Variants in MPDZ observed in about 807,000 individuals in gnomAD.
MPDZ encodes the protein multiple PDZ domain protein.
In MPDZ, 234 loss-of-function variants were observed where a neutral mutation model predicts 239.1. The observed-to-expected ratio is 0.98, with a 90% CI of 0.88 to 1.09. The LOEUF (loss-of-function observed/expected upper bound fraction) is 1.09. Among genes scored for constraint, MPDZ ranks in the 50% least tolerant of loss-of-function variants. The pLI, the probability that MPDZ is intolerant of heterozygous loss-of-function variation, is 0.00. For synonymous variants in MPDZ, 1,048 were observed against 881.3 expected (o/e 1.19, Z -3.35); for missense variants, 3,175 against 2,510.0 (o/e 1.26, Z -5.66).
intron 15 of MPDZ, among the ~76,000 whole-genome samples, 162 bp from the exon 16 acceptor site, chr9:13,190,461 A>C (rs1464694125): frequency 6.6e-6 from 1 of 152,198 alleles, no homozygotes; most frequent in Non-Finnish European, 1.5e-5. Context: ...TAAGGTAGTA[A>C]TTACTGAAAG....
chr9:13,126,452 C>A, intron 34 of MPDZ, 64 bp downstream of exon 34: 1 of 1,139,822 alleles, frequency 8.8e-7, no homozygotes, highest in Non-Finnish European at 1.3e-6. Context: ...ATCGCAGACA[C>A]AAACACTTTA....
chr9:13,256,922 A>G (rs1280938889), intron 1 of MPDZ, among the ~76,000 whole-genome samples: 1 of 152,178 alleles, frequency 6.6e-6, no homozygotes, highest in Non-Finnish European at 1.5e-5. Context: ...AAAGCACAAT[A>G]AGACAAAATT....
chr9:13,163,401 C>T (rs902121348), intron 22 of MPDZ, among the ~76,000 whole-genome samples: 3 of 152,104 alleles, frequency 2.0e-5, no homozygotes, highest in Admixed American at 6.6e-5. Flanking sequence ...TTAAAAAATT[C>T]ACTTTGGTCT....
intron 12 of MPDZ, among the ~76,000 whole-genome samples, chr9:13,200,777 C>T (rs1046610798): frequency 6.6e-6 from 1 of 151,822 alleles, no homozygotes; most frequent in Admixed American, 6.6e-5. Context: ...AGAAAAGATA[C>T]TTGATATGAT....
chr9:13,110,441 T>G (rs893650064), intron 44 of MPDZ, among the ~76,000 whole-genome samples, 195 bp downstream of exon 44: 2 of 152,182 alleles, frequency 1.3e-5, no homozygotes, highest in Non-Finnish European at 2.9e-5. Flanking sequence ...AAACAATCAA[T>G]GCATCAGAGT....
intron 24 of MPDZ, among the ~76,000 whole-genome samples, chr9:13,156,032 T>C (rs1949773145): frequency 6.6e-6 from 1 of 152,192 alleles, no homozygotes; most frequent in South Asian, 2.1e-4. Flanking sequence ...TAAGAAAATT[T>C]CATGATTTCT....
At chr9:13,249,051 G>A (rs993145459) in intron 2 of MPDZ, among the ~76,000 whole-genome samples, 3 of 134,280 alleles carry the variant, frequency 2.2e-5, no homozygotes, top group African/African-American at 8.1e-5. Flanking sequence ...CACCAAATCT[G>A]AAATTGCACA....
intron 3 of MPDZ, among the ~76,000 whole-genome samples, chr9:13,237,335 G>A (rs1291988350): frequency 6.6e-6 from 1 of 150,886 alleles, no homozygotes; most frequent in African/African-American, 2.4e-5. Context: ...CTACTCAGAG[G>A]CTGAGGTTGG....
chr9:13,262,911 G>A (rs376111030), intron 1 of MPDZ, among the ~76,000 whole-genome samples: 30 of 151,952 alleles, frequency 2.0e-4, no homozygotes, highest in African/African-American at 7.0e-4. Flanking sequence ...TACTTTCATC[G>A]TATTCAACAA....
At position 13,186,371 on chromosome 9, in the gene MPDZ, C is replaced by A. The variant is rs1395256278; in HGVS notation, c.2380G>T (p.Gly794Cys). 6.3e-7 allele frequency: 1 copy of A among 1,577,030 alleles called. No individual in the cohort carries two copies. Among genetic ancestry groups the A allele is most frequent in the African/African-American group, 1.3e-5 (1 of 74,124 alleles). Residue 794 changes from glycine to cysteine, a missense_variant, in exon 18 of 47, where the codon GGT becomes TGT. By Grantham distance (159) the Gly-to-Cys change is radical. Coordinates refer to ENST00000319217, the MANE Select transcript of MPDZ (RefSeq NM_001378778.1). ...GAATCCTCCTTAGCAGAAACATAACCTTCTTCTGGTGAAAGCTGCAGGGAA... is the reference window on the plus strand; with the variant it reads ...GAATCCTCCTTAGCAGAAACATAACATTCTTCTGGTGAAAGCTGCAGGGAA... ...AKPLPLSPEE[G>C]YVSAKEDSFL...
At chr9:13,184,838 T>TGA (rs1953874431) in intron 18 of MPDZ, among the ~76,000 whole-genome samples, 1 of 151,910 alleles carries the variant, frequency 6.6e-6, no homozygotes, top group African/African-American at 2.4e-5. Context: ...TCAAAGAAAT[T>TGA]GAGTGACCAG....
chr9:13,123,735 C>T (rs778902926), intron 35 of MPDZ, among the ~76,000 whole-genome samples: 2 of 152,154 alleles, frequency 1.3e-5, no homozygotes, highest in Non-Finnish European at 2.9e-5. Context: ...GAAGTACATT[C>T]AGGGAATACC....
At chr9:13,130,409 G>C (rs1037654244) in intron 32 of MPDZ, among the ~76,000 whole-genome samples, 1 of 152,150 alleles carries the variant, frequency 6.6e-6, no homozygotes, top group African/African-American at 2.4e-5. Context: ...TTCCCCTTAT[G>C]CATGTACGGC....
chr9:13,266,070 G>C (rs922274913), intron 1 of MPDZ, among the ~76,000 whole-genome samples: 20 of 152,134 alleles, frequency 1.3e-4, no homozygotes, highest in Admixed American at 4.6e-4. Flanking sequence ...AAATTATGAA[G>C]AGTGTTGTAT....
At chr9:13,111,109 A>G (rs1942388102) in intron 43 of MPDZ, among the ~76,000 whole-genome samples, 1 of 150,842 alleles carries the variant, frequency 6.6e-6, no homozygotes, top group Admixed American at 6.6e-5. Context: ...ATGTGACTCT[A>G]AGTCGGAGGT....
intron 39 of MPDZ, among the ~76,000 whole-genome samples, 200 bp from the exon 40 acceptor site, chr9:13,115,534 G>GCAACACCAA (rs1943263526): frequency 6.6e-6 from 1 of 152,044 alleles, no homozygotes; most frequent in Non-Finnish European, 1.5e-5. Context: ...ATCAGCAGCA[G>GCAACACCAA]CAACACCAAG....
chr9:13,111,680 G>A (rs199974787), intron 43 of MPDZ, among the ~76,000 whole-genome samples: 11 of 152,216 alleles, frequency 7.2e-5, no homozygotes, highest in East Asian at 1.9e-4. Flanking sequence ...TTAAATCGGC[G>A]TTTAAACCAA....
rs1211672786 is a variant in MPDZ at position 13,143,932 on chromosome 9, A to T, written c.3742-368T>A. On this transcript the variant is annotated intron_variant, in intron 26 of 46. Transcript: ENST00000319217. ...AGTAAACATGTTCAAAATTAAAACC[A>T]CAAAATTTTTTATCTACATCTAAAA... 2.6e-5 allele frequency among the ~76,000 whole-genome samples: 4 copies of T among 152,100 alleles called. No homozygotes were observed. In the East Asian group the frequency reaches 7.7e-4, roughly 29 times the overall value.
intron 3 of MPDZ, among the ~76,000 whole-genome samples, chr9:13,236,517 G>A (rs1407795766): frequency 6.6e-6 from 1 of 150,960 alleles, no homozygotes; most frequent in Admixed American, 6.6e-5. Context: ...CCGACCTCAG[G>A]TGACCCGCCC....
Sources: allele counts gnomAD v4.1 joint callset (sites outside exome capture counted in the v4.1 genomes callset), GRCh38; gene constraint gnomAD v4.1.1; transcripts MANE v1.5; gene names NCBI Gene and HGNC (gene_info 2026-07-23, HGNC 2026-07-21).